KLRG1: variants seen among roughly 807,000 people sequenced by gnomAD.
The protein encoded by KLRG1 is killer cell lectin-like receptor subfamily G member 1.
Under a neutral mutation model 21.8 loss-of-function variants are expected in KLRG1, and 16 were observed. The observed-to-expected ratio is 0.73, with a 90% CI of 0.50 to 1.11. The LOEUF is 1.11. Among genes scored for constraint, KLRG1 ranks in the 50% most tolerant of loss-of-function variants. The pLI is 0.00. For missense variants in KLRG1, 173 were observed against 218.3 expected (o/e 0.79, Z 1.31); for synonymous variants, 69 against 75.9 (o/e 0.91, Z 0.47).
At chr12:9,064,719 G>A in the KLRG1 span, 1 of 154,174 alleles carries the variant, frequency 6.5e-6, no homozygotes, top group Non-Finnish European at 1.5e-5. The surrounding 1 kb of genome is among the most constrained non-coding windows in gnomAD (Gnocchi z 4.0). Flanking sequence ...GGGGCCCCAA[G>A]GCGGAGCTGG....
the KLRG1 span, among the ~76,000 whole-genome samples, chr12:9,174,915 C>A: frequency 6.6e-6 from 1 of 152,238 alleles, no homozygotes; most frequent in South Asian, 2.1e-4. Context: ...CAGTGCTATT[C>A]CCATTAAACT....
At chr12:9,104,266 A>G in the KLRG1 span, 2 of 1,612,882 alleles carry the variant, frequency 1.2e-6, no homozygotes, top group African/African-American at 1.3e-5. Flanking sequence ...TACCCATAAC[A>G]TTGGTGGTGT....
chr12:9,197,698 T>TTATTA, the KLRG1 span, among the ~76,000 whole-genome samples: 1 of 88,202 alleles, frequency 1.1e-5, no homozygotes, highest in Non-Finnish European at 2.0e-5. Context: ...ATATATATAA[T>TTATTA]TATATATTAT....
downstream of KLRG1, among the ~76,000 whole-genome samples, chr12:9,012,234 G>A (rs898488172): frequency 6.6e-6 from 1 of 152,168 alleles, no homozygotes; most frequent in Non-Finnish European, 1.5e-5. Context: ...CCTGAGGAGA[G>A]GAGATGGAAG....
intron 3 of KLRG1, among the ~76,000 whole-genome samples, chr12:8,995,567 G>A (rs968240128): frequency 1.3e-5 from 2 of 152,128 alleles, no homozygotes; most frequent in East Asian, 1.9e-4. Context: ...TGTGTATGTG[G>A]GGCAAGGAGG....
chr12:9,152,871 G>T, the KLRG1 span: 1 of 1,614,032 alleles, frequency 6.2e-7, no homozygotes, highest in East Asian at 2.2e-5. Context: ...TGTGTCCATC[G>T]CAAGTTTGGG....
the KLRG1 span, among the ~76,000 whole-genome samples, chr12:9,174,753 A>G: frequency 2.6e-5 from 4 of 152,216 alleles, no homozygotes; most frequent in Non-Finnish European, 5.9e-5. Context: ...ACAGCTAACA[A>G]GGGAAGTGAA....
rs996494741 is a variant in KLRG1 at position 8,974,149 on chromosome 12, G to GT, written c.-155-18050dup. Among the ~76,000 whole-genome samples the GT allele has an allele frequency of 1.3e-3, 186 of 148,554 alleles. 3 individuals carry two copies. Among genetic ancestry groups the GT allele is most frequent in the Middle Eastern group, 7.1e-3 (2 of 282 alleles). ...TTACAGGCAAAACTCTCAGTTTTTTGTTTTTTTGTTTGTTTGTTTGTTTTG... is the reference window on the plus strand; with the variant it reads ...TTACAGGCAAAACTCTCAGTTTTTTGTTTTTTTTGTTTGTTTGTTTGTTTTG... On this transcript the variant is annotated intron_variant, in intron 1 of 4. Transcript: ENST00000539240.
At chr12:9,186,067 A>G in the KLRG1 span, among the ~76,000 whole-genome samples, 10 of 152,152 alleles carry the variant, frequency 6.6e-5, no homozygotes, top group East Asian at 1.9e-3. Context: ...TGACCCCCCA[A>G]AGTGCTGGGA....
chr12:9,194,468 T>G, the KLRG1 span, among the ~76,000 whole-genome samples: 2 of 148,448 alleles, frequency 1.3e-5, no homozygotes, highest in African/African-American at 2.5e-5. Context: ...GGGAGTTTTT[T>G]TTTTTTTTTT....
chr12:9,060,518 G>C, the KLRG1 span, among the ~76,000 whole-genome samples: 3,582 of 152,202 alleles, frequency 0.024, 150 homozygotes, highest in African/African-American at 0.082. Context: ...TATAGTTCCA[G>C]CTCCTAGGGA....
At chr12:9,199,015 G>A in the KLRG1 span, among the ~76,000 whole-genome samples, 1 of 152,172 alleles carries the variant, frequency 6.6e-6, no homozygotes, top group Admixed American at 6.5e-5. Flanking sequence ...ACTGTAAGAG[G>A]TATCTGTAAT....
intron 3 of KLRG1, among the ~76,000 whole-genome samples, chr12:8,995,830 G>C (rs1302163801): frequency 2.0e-5 from 3 of 151,886 alleles, no homozygotes; most frequent in Non-Finnish European, 4.4e-5. Flanking sequence ...CTACAGGCGT[G>C]TGCCACCATG....
At chr12:9,158,307 C>T in the KLRG1 span, 1 of 1,414,712 alleles carries the variant, frequency 7.1e-7, no homozygotes, top group Non-Finnish European at 9.7e-7. Flanking sequence ...GATGCCATCC[C>T]ACATCATCCA....
At chr12:9,158,523 A>G in the KLRG1 span, 86 of 1,614,146 alleles carry the variant, frequency 5.3e-5, no homozygotes, top group African/African-American at 5.3e-4. Context: ...TGCTTCATCA[A>G]TGAAGATGTA....
At chr12:9,107,422 C>T in the KLRG1 span, 26 of 1,396,976 alleles carry the variant, frequency 1.9e-5, no homozygotes, top group East Asian at 6.1e-4. Flanking sequence ...ATGGAATTCT[C>T]TTCTAGATTG....
the KLRG1 span, among the ~76,000 whole-genome samples, chr12:9,154,449 G>A: frequency 1.3e-5 from 2 of 152,152 alleles, no homozygotes; most frequent in Non-Finnish European, 2.9e-5. Context: ...AAAGTGTTAT[G>A]GGGGATGTCT....
At chr12:9,077,506 TC>T in the KLRG1 span, 1 of 1,487,078 alleles carries the variant, frequency 6.7e-7, no homozygotes, top group African/African-American at 1.4e-5. Context: ...GTCATGGAAT[TC>T]ATCCTTACCC....
the KLRG1 span, among the ~76,000 whole-genome samples, chr12:9,030,969 C>T: frequency 6.6e-6 from 1 of 152,226 alleles, no homozygotes; most frequent in Non-Finnish European, 1.5e-5. Flanking sequence ...CACCAGATAG[C>T]ATCTCCCGGC....
Sources: gnomAD v4.1 joint callset for allele counts (sites outside exome capture counted in the v4.1 genomes callset) on GRCh38, gnomAD v4.1.1 for gene constraint, Gnocchi (gnomAD v3.1) non-coding constraint, MANE v1.5 for transcripts, NCBI Gene and HGNC (gene_info 2026-07-23, HGNC 2026-07-21) for gene names.